Variants in NUP37 observed in about 807,000 individuals in gnomAD.
NUP37 encodes the protein nucleoporin Nup37.
Under a neutral mutation model 45.4 loss-of-function variants are expected in NUP37, and 33 were observed. The observed-to-expected ratio is 0.73, with a 90% confidence interval of 0.55 to 0.97. The LOEUF (loss-of-function observed/expected upper bound fraction) is 0.97. Among genes scored for constraint, NUP37 ranks in the 50% least tolerant of loss-of-function variants. NUP37 has a pLI of 0.00. For missense variants in NUP37, 365 were observed against 389.7 expected (o/e 0.94, Z 0.53); for synonymous variants, 127 against 130.7 (o/e 0.97, Z 0.19).
chr12:102,111,085 A>G (rs1392110247), intron 3 of NUP37, among the ~76,000 whole-genome samples: 1 of 152,230 alleles, frequency 6.6e-6, no homozygotes, highest in Non-Finnish European at 1.5e-5. Context: ...AAGAATGAAT[A>G]AACAGACTAT....
intron 6 of NUP37, among the ~76,000 whole-genome samples, chr12:102,081,248 TA>T (rs1312390774): frequency 1.3e-5 from 2 of 152,204 alleles, no homozygotes; most frequent in African/African-American, 4.8e-5. Flanking sequence ...AAAGTCAAAT[TA>T]AAACTCAGTT....
At position 102,076,799 on chromosome 12, in the gene NUP37, G is replaced by A; in HGVS notation, c.771C>T (p.Phe257=). 1 of 1,613,126 alleles carries A rather than the reference G, an allele frequency of 6.2e-7. No individual in the cohort carries two copies. Among genetic ancestry groups the A allele is most frequent in the Non-Finnish European group, 8.5e-7 (1 of 1,179,342 alleles). The change falls in exon 8 of 10, where the codon TTC becomes TTT. Residue 257 remains phenylalanine (F), a splice_region_variant and synonymous_variant. Coordinates refer to ENST00000552283, the MANE Select transcript of NUP37 (RefSeq NM_024057.4). ...CTCCAACAAAAACGGTACATTACCT[G>A]AATAAGCAGGCTCGATCCATGTGAA... is the stretch of plus-strand genomic sequence containing the variant. ...RPVHMDRACL[F]RWSTISENLF...
At chr12:102,095,089 C>G (rs931283727) in intron 5 of NUP37, among the ~76,000 whole-genome samples, 6 of 151,996 alleles carry the variant, frequency 3.9e-5, no homozygotes, top group African/African-American at 1.4e-4. Context: ...ACTTGTTGAT[C>G]TGACTTGTTC....
chr12:102,118,711 A>C (rs1274168152), intron 1 of NUP37, 128 bp from the exon 2 acceptor site: 1 of 522,120 alleles, frequency 1.9e-6, no homozygotes, highest in Non-Finnish European at 3.3e-6. Context: ...GTACTTATCA[A>C]GGGACAGAAA....
chr12:102,095,176 A>G (rs1879768005), intron 5 of NUP37, among the ~76,000 whole-genome samples: 1 of 152,108 alleles, frequency 6.6e-6, no homozygotes, highest in Admixed American at 6.5e-5. Context: ...GTTCTGTATT[A>G]GTGAGTTTTA....
chr12:102,118,220 G>T, intron 2 of NUP37, 143 bp downstream of exon 2: 3 of 789,120 alleles, frequency 3.8e-6, no homozygotes, highest in South Asian at 2.0e-5. Flanking sequence ...CATATAACTG[G>T]GAACATCTTT....
Position 102,074,115 on chromosome 12 carries a change from A to C in NUP37, c.*239T>G. The C allele has an allele frequency of 4.0e-6, 1 of 249,010 alleles. No homozygotes were observed. 15.4% of individuals were successfully genotyped at this position (249,010 alleles called of 1,614,324 possible). On this transcript the variant is annotated 3_prime_UTR_variant, in exon 10 of 10. Coordinates refer to ENST00000552283, the MANE Select transcript of NUP37 (RefSeq NM_024057.4). ...CTTAGTCATCTCTTCTCTGGAGGTG[A>C]GCTGCTGAGTCAATATGATTTTGTA...
chr12:102,105,678 C>T (rs538415363), intron 3 of NUP37, among the ~76,000 whole-genome samples: 6 of 151,914 alleles, frequency 3.9e-5, no homozygotes, highest in Admixed American at 6.6e-5. Context: ...CTGGTCAACA[C>T]GGCGAAATCC....
At chr12:102,079,745 A>C (rs1027091006) in intron 6 of NUP37, among the ~76,000 whole-genome samples, 7 of 152,316 alleles carry the variant, frequency 4.6e-5, no homozygotes, top group Admixed American at 4.6e-4. Context: ...AATTTTACAC[A>C]GTAAAATTAC....
chr12:102,089,300 G>C (rs947316885), intron 5 of NUP37, among the ~76,000 whole-genome samples: 2 of 151,666 alleles, frequency 1.3e-5, no homozygotes, highest in African/African-American at 4.9e-5. Context: ...AGGCAGAGGC[G>C]CTCCTCACTT....
intron 5 of NUP37, among the ~76,000 whole-genome samples, chr12:102,098,517 T>C (rs544709678): frequency 6.6e-6 from 1 of 152,188 alleles, no homozygotes; most frequent in Non-Finnish European, 1.5e-5. Flanking sequence ...ATTGAAGAAT[T>C]TGATCCAATA....
intron 6 of NUP37, among the ~76,000 whole-genome samples, chr12:102,081,810 G>A (rs539012283): frequency 2.0e-5 from 3 of 151,720 alleles, no homozygotes; most frequent in East Asian, 1.9e-4. Flanking sequence ...CCTCCCACCT[G>A]AGCCTCCAGA....
At chr12:102,087,840 A>C (rs1879515951) in intron 5 of NUP37, among the ~76,000 whole-genome samples, 1 of 152,204 alleles carries the variant, frequency 6.6e-6, no homozygotes, top group Non-Finnish European at 1.5e-5. Flanking sequence ...CAAATGAAGG[A>C]AACAGAAGAG....
chr12:102,090,892 ATTTCCTGAGTTTACTGACT>A (rs1879631025), intron 5 of NUP37, among the ~76,000 whole-genome samples: 1 of 152,152 alleles, frequency 6.6e-6, no homozygotes, highest in Non-Finnish European at 1.5e-5. Context: ...TTTTAAAATG[ATTTCCTGAGTTTACTGACT>A]TTTTGTTATC....
chr12:102,095,134 A>C lies in NUP37; in HGVS notation c.449+3972T>G, dbSNP rs1879766563. Reference sequence around the variant, plus strand: ...GGTACTGTTTCTAATATACAAGAACATCTGTTATTTGGCAATGACTGGGAA... The same window carrying C: ...GGTACTGTTTCTAATATACAAGAACCTCTGTTATTTGGCAATGACTGGGAA... On this transcript the variant is annotated intron_variant, in intron 5 of 9. Coordinates refer to ENST00000552283, the MANE Select transcript of NUP37 (RefSeq NM_024057.4). 2.0e-5 allele frequency among the ~76,000 whole-genome samples: 3 copies of C among 152,210 alleles called. No individual in the cohort carries two copies. In the South Asian group the frequency reaches 6.2e-4, roughly 32 times the overall value.
intron 9 of NUP37, 200 bp from the exon 10 acceptor site, chr12:102,074,667 G>C (rs1237229459): frequency 1.9e-6 from 1 of 522,430 alleles, no homozygotes; most frequent in Non-Finnish European, 3.4e-6. Context: ...ATGAATAACT[G>C]GTACAGTCCA....
chr12:102,099,006 T>C (rs1179215819), intron 5 of NUP37, 100 bp downstream of exon 5: 18 of 819,884 alleles, frequency 2.2e-5, no homozygotes, highest in South Asian at 8.8e-5. Context: ...CAACACTCTA[T>C]AGAATTTATG....
At chr12:102,111,112 G>A (rs1024363083) in intron 3 of NUP37, among the ~76,000 whole-genome samples, 7 of 152,182 alleles carry the variant, frequency 4.6e-5, no homozygotes, top group African/African-American at 1.7e-4. Flanking sequence ...TTGATACACT[G>A]TAATGGAGTA....
intron 5 of NUP37, among the ~76,000 whole-genome samples, chr12:102,098,218 T>C (rs1879864512): frequency 6.6e-6 from 1 of 152,208 alleles, no homozygotes; most frequent in African/African-American, 2.4e-5. Context: ...TTCTTCCTTT[T>C]CATCTTGTTC....
Sources: allele counts gnomAD v4.1 joint callset (sites outside exome capture counted in the v4.1 genomes callset), GRCh38; gene constraint gnomAD v4.1.1; transcripts MANE v1.5; gene names NCBI Gene and HGNC (gene_info 2026-07-23, HGNC 2026-07-21).